The following MAGI2 variants were observed in gnomAD, a reference collection of about 807,000 sequenced individuals.
The protein encoded by MAGI2 is membrane-associated guanylate kinase, WW and PDZ domain-containing protein 2.
Under a neutral mutation model 133.3 loss-of-function variants are expected in MAGI2, and 35 were observed. That is an observed-to-expected ratio of 0.26 (90% CI 0.20 to 0.35). The LOEUF is 0.35. Among genes scored for constraint, MAGI2 ranks in the 10% least tolerant of loss-of-function variants. The probability of loss-of-function intolerance (pLI) is 1.00; values close to 1 mark genes in which losing one functional copy is unlikely to be tolerated. For synonymous variants in MAGI2, 729 were observed against 710.6 expected (o/e 1.03, Z -0.41); for missense variants, 1,636 against 1,863.4 (o/e 0.88, Z 2.25).
intron 16 of MAGI2, among the ~76,000 whole-genome samples, chr7:78,147,900 T>TA (rs1823476012): frequency 6.6e-6 from 1 of 151,486 alleles, no homozygotes; most frequent in South Asian, 2.1e-4. Flanking sequence ...GGCTAAACAT[T>TA]AAAAAAACCA....
intron 2 of MAGI2, among the ~76,000 whole-genome samples, chr7:78,881,566 T>A (rs1307505371): frequency 6.6e-6 from 1 of 151,964 alleles, no homozygotes; most frequent in Non-Finnish European, 1.5e-5. Flanking sequence ...ACCCTAGAAC[T>A]TAAAGTATAA....
chr7:79,214,656 T>A (rs1829851394), intron 1 of MAGI2, among the ~76,000 whole-genome samples: 1 of 140,178 alleles, frequency 7.1e-6, no homozygotes, highest in African/African-American at 2.6e-5. Flanking sequence ...TAATTTTATA[T>A]ATTTATAATT....
At chr7:78,048,389 T>C (rs1052368753) in intron 21 of MAGI2, among the ~76,000 whole-genome samples, 2 of 152,188 alleles carry the variant, frequency 1.3e-5, no homozygotes, top group African/African-American at 2.4e-5. Flanking sequence ...TCTCTACATA[T>C]GACTGTCACA....
chr7:78,846,954 T>C lies in MAGI2; in HGVS notation c.418+160136A>G, dbSNP rs115612087. 6.6e-3 allele frequency among the ~76,000 whole-genome samples: 1,004 copies of C among 151,996 alleles called. 9 individuals carry two copies. Among genetic ancestry groups the C allele is most frequent in the African/African-American group, 0.023 (968 of 41,520 alleles). On this transcript the variant is annotated intron_variant, in intron 2 of 21. Transcript: ENST00000354212. ...CTGGAAAAGCTCCCCAGGTGGTCCTTATATAGGTCCCAACCCCAACTTTCT... is the reference window on the plus strand; with the variant it reads ...CTGGAAAAGCTCCCCAGGTGGTCCTCATATAGGTCCCAACCCCAACTTTCT...
chr7:79,105,155 T>A (rs1051654740), intron 1 of MAGI2, among the ~76,000 whole-genome samples: 2 of 152,174 alleles, frequency 1.3e-5, no homozygotes, highest in East Asian at 3.9e-4. Flanking sequence ...GTTATGCGAG[T>A]TTCATATTCA....
chr7:78,434,609 T>G (rs1315330298), intron 6 of MAGI2, among the ~76,000 whole-genome samples: 2 of 152,160 alleles, frequency 1.3e-5, no homozygotes, highest in Non-Finnish European at 2.9e-5. Flanking sequence ...TCTACTTTAC[T>G]CCATCTCCTA....
At chr7:78,918,597 A>G (rs547422948) in intron 2 of MAGI2, among the ~76,000 whole-genome samples, 1 of 152,290 alleles carries the variant, frequency 6.6e-6, no homozygotes, top group South Asian at 2.1e-4. Flanking sequence ...TAAAATAGAG[A>G]ACCAAGGACC....
intron 2 of MAGI2, among the ~76,000 whole-genome samples, chr7:78,882,857 T>G (rs1194234502): frequency 6.6e-6 from 1 of 151,880 alleles, no homozygotes; most frequent in Non-Finnish European, 1.5e-5. Flanking sequence ...AGAACATACC[T>G]CAAAATAATA....
intron 2 of MAGI2, among the ~76,000 whole-genome samples, chr7:78,909,602 C>CAAAAAAA (rs1237807866): frequency 7.1e-5 from 3 of 42,156 alleles, no homozygotes; most frequent in African/African-American, 1.0e-4. Context: ...GACTCCATCT[C>CAAAAAAA]AAAAAAAAAA....
In MAGI2 at chr7:79,196,450, A is replaced by T. The variant is rs190369932; in HGVS notation, c.302-189244T>A. Among the ~76,000 whole-genome samples the T allele has an allele frequency of 2.0e-3, 305 of 152,020 alleles. 2 individuals carry two copies. Among genetic ancestry groups the T allele is most frequent in the African/African-American group, 7.1e-3 (293 of 41,378 alleles). On this transcript the variant is annotated intron_variant, in intron 1 of 21. Transcript: ENST00000354212. ...TATATTTCAAAAACATTCTACTCTA[A>T]TCTTGCTATTTGTTGTTATTTTTAG...
chr7:78,791,127 A>AT (rs1352205664), intron 2 of MAGI2, among the ~76,000 whole-genome samples: 12 of 152,308 alleles, frequency 7.9e-5, no homozygotes, highest in African/African-American at 2.9e-4. Context: ...TGCTATAGTA[A>AT]AGGCCTCTGG....
chr7:78,272,468 G>C (rs1794678336), intron 9 of MAGI2, among the ~76,000 whole-genome samples: 1 of 152,178 alleles, frequency 6.6e-6, no homozygotes, highest in Non-Finnish European at 1.5e-5. Context: ...GCTTGGTCCA[G>C]AGCTGAGTTC....
At chr7:78,809,565 T>C (rs1447827357) in intron 2 of MAGI2, among the ~76,000 whole-genome samples, 1 of 152,154 alleles carries the variant, frequency 6.6e-6, no homozygotes, top group African/African-American at 2.4e-5. Context: ...CCTACAGATG[T>C]GAGCCATATT....
At chr7:79,293,098 G>A (rs888555991) in intron 1 of MAGI2, among the ~76,000 whole-genome samples, 20 of 152,192 alleles carry the variant, frequency 1.3e-4, no homozygotes, top group African/African-American at 4.1e-4. Flanking sequence ...TGTTTCAGTT[G>A]TTTTTTGTTC....
intron 1 of MAGI2, among the ~76,000 whole-genome samples, chr7:79,220,785 GA>G (rs1316973862): frequency 6.6e-6 from 1 of 151,980 alleles, no homozygotes; most frequent in Non-Finnish European, 1.5e-5. Context: ...TTAAAATACT[GA>G]AAAACCTGGT....
chr7:78,284,259 T>TGACA (rs1047274108), intron 9 of MAGI2, among the ~76,000 whole-genome samples: 17 of 152,092 alleles, frequency 1.1e-4, no homozygotes, highest in African/African-American at 4.1e-4. Context: ...AGTTATTTTT[T>TGACA]GACATTTTAA....
rs193082395 is a variant in MAGI2, at chr7:78,729,206, A to G, written c.419-101967T>C. 1.1e-4 allele frequency among the ~76,000 whole-genome samples: 17 copies of G among 152,340 alleles called. No homozygotes were observed. The East Asian group carries it at 2.9e-3, about 26-fold the overall frequency. On this transcript the variant is annotated intron_variant, in intron 2 of 21. Transcript: ENST00000354212. ...TAGTGCCAATATCCAAACCACTGGG[A>G]TACAAGTTAAGAACAAGAAAAAAAG...
chr7:78,033,472 C>CAAAAAA (rs199985014), intron 21 of MAGI2, among the ~76,000 whole-genome samples: 7 of 132,388 alleles, frequency 5.3e-5, no homozygotes, highest in African/African-American at 1.1e-4. Flanking sequence ...GAGCTTGTCT[C>CAAAAAA]AAAAAAAAAA....
At chr7:78,704,008 C>A (rs1409252564) in intron 2 of MAGI2, among the ~76,000 whole-genome samples, 1 of 151,986 alleles carries the variant, frequency 6.6e-6, no homozygotes, top group African/African-American at 2.4e-5. Flanking sequence ...TGGACATAGG[C>A]CCTGGCAAAG....
Sources: allele counts gnomAD v4.1 joint callset (sites outside exome capture counted in the v4.1 genomes callset), GRCh38; gene constraint gnomAD v4.1.1; transcripts MANE v1.5; gene names NCBI Gene and HGNC (gene_info 2026-07-23, HGNC 2026-07-21).